Variants in TTC28 observed in about 807,000 individuals in gnomAD.
The protein encoded by TTC28 is tetratricopeptide repeat protein 28.
Under a neutral mutation model 198.0 loss-of-function variants are expected in TTC28, and 61 were observed. The ratio of observed to expected loss-of-function variants is 0.31; its 90% CI spans 0.25 to 0.38. The LOEUF (loss-of-function observed/expected upper bound fraction) is 0.38, where lower values mean the gene tolerates loss of function less well. Among genes scored for constraint, TTC28 ranks in the 10% least tolerant of loss-of-function variants. The pLI is 1.00. For synonymous variants in TTC28, 1,171 were observed against 1,297.8 expected (o/e 0.90, Z 2.10); for missense variants, 2,678 against 3,164.0 (o/e 0.85, Z 3.69).
chr22:28,571,004 T>G (rs2050050754), intron 2 of TTC28, among the ~76,000 whole-genome samples: 1 of 152,188 alleles, frequency 6.6e-6, no homozygotes, highest in Non-Finnish European at 1.5e-5. Context: ...TTTTTTTTCC[T>G]GACTGTAAGA....
chr22:28,432,061 G>A lies in TTC28; in HGVS notation c.382-125418C>T, dbSNP rs191741244. Among the ~76,000 whole-genome samples the A allele has an allele frequency of 3.1e-3, 471 of 151,796 alleles. 4 individuals carry two copies. The highest frequency in any genetic ancestry group is 0.011 in the African/African-American group (444 of 41,388). ...AGCACTTTGGGAGGCCGAGGTGGGC[G>A]GATCACGAAGTCAGGAGATCGAGAC... On this transcript the variant is annotated intron_variant, in intron 2 of 22. Transcript: ENST00000397906.
In TTC28 at chr22:28,120,885, T is replaced by C. The variant is rs187684800; in HGVS notation, c.1442-12482A>G. On this transcript the variant is annotated intron_variant, in intron 6 of 22. Transcript: ENST00000397906. Reference sequence around the variant, plus strand: ...ACACTGGATGGAAATTCAAACTCTATGATTGTGTGAAGTGTTCTAGCTAGA... The same window carrying C: ...ACACTGGATGGAAATTCAAACTCTACGATTGTGTGAAGTGTTCTAGCTAGA... Among the ~76,000 whole-genome samples, 12 of 152,300 alleles carry C rather than the reference T, an allele frequency of 7.9e-5. No homozygotes were observed. The East Asian group carries it at 2.1e-3, about 27-fold the overall frequency.
chr22:28,075,778 A>C (rs991216914), intron 12 of TTC28, among the ~76,000 whole-genome samples: 1 of 152,006 alleles, frequency 6.6e-6, no homozygotes, highest in Non-Finnish European at 1.5e-5. Context: ...CTAAAATGTC[A>C]CCTCTTTGGA....
rs564459883 is a variant in TTC28, at chr22:28,098,961, C to T, written c.3501G>A (p.Leu1167=). The T allele has an allele frequency of 8.4e-6, 13 of 1,551,824 alleles. No individual in the cohort carries two copies. The Admixed American group carries it at 2.0e-4, about 23-fold the overall frequency. Residue 1167 remains leucine (L), a synonymous_variant, in exon 10 of 23, where the codon CTG becomes CTA. Coordinates refer to ENST00000397906, the MANE Select transcript of TTC28 (RefSeq NM_001145418.2). ...STDYKLSLFD[L]QTSSYQALQR... ...GCAAGGCCTGGTAGGATGATGTCTG[C>T]AGGTCAAAGAGGGAGAGTTTGTAGT...
At chr22:28,620,767 T>G (rs1290003299) in intron 2 of TTC28, among the ~76,000 whole-genome samples, 1 of 152,198 alleles carries the variant, frequency 6.6e-6, no homozygotes, top group Non-Finnish European at 1.5e-5. Context: ...CAATAACATC[T>G]GCTTATCATG....
rs189922809 is a variant in TTC28, at chr22:28,480,295, T to C, written c.381+149257A>G. Among the ~76,000 whole-genome samples the C allele has an allele frequency of 3.3e-5, 5 of 152,300 alleles. No homozygotes were observed. In the East Asian group the frequency reaches 9.7e-4, roughly 29 times the overall value. On this transcript the variant is annotated intron_variant, in intron 2 of 22. Transcript: ENST00000397906. ...TTCAGACACTTGTTTCTCATGTAACTAAGCTATACATAGATCCTAAGGTTC... is the reference window on the plus strand; with the variant it reads ...TTCAGACACTTGTTTCTCATGTAACCAAGCTATACATAGATCCTAAGGTTC...
intron 5 of TTC28, among the ~76,000 whole-genome samples, chr22:28,170,489 C>CAA (rs71791002): frequency 8.7e-4 from 87 of 100,090 alleles, no homozygotes; most frequent in South Asian, 7.7e-3. Flanking sequence ...ACTCCGTCTC[C>CAA]AAAAAAAAAA....
At chr22:28,455,963 G>A (rs2047852931) in intron 2 of TTC28, among the ~76,000 whole-genome samples, 1 of 151,938 alleles carries the variant, frequency 6.6e-6, no homozygotes, top group Non-Finnish European at 1.5e-5. Context: ...TTGGAGACCA[G>A]CATGGCCAAC....
chr22:28,430,198 T>C (rs938389814), intron 2 of TTC28, among the ~76,000 whole-genome samples: 4 of 152,156 alleles, frequency 2.6e-5, no homozygotes, highest in African/African-American at 9.7e-5. Flanking sequence ...TCACACGCTA[T>C]GAGTAGAGCA....
intron 2 of TTC28, among the ~76,000 whole-genome samples, chr22:28,395,632 A>C (rs1454643764): frequency 6.5e-4 from 7 of 10,762 alleles, no homozygotes; most frequent in Non-Finnish European, 1.2e-3. Flanking sequence ...AAAACCAAAC[A>C]AACAAAAAAA....
intron 2 of TTC28, among the ~76,000 whole-genome samples, chr22:28,312,127 C>T (rs964491426): frequency 6.6e-6 from 1 of 151,520 alleles, no homozygotes; most frequent in African/African-American, 2.4e-5. Context: ...AAGGCCATTA[C>T]ATAATGGTAA....
At chr22:28,208,982 C>A (rs1157699979) in intron 5 of TTC28, among the ~76,000 whole-genome samples, 1 of 152,224 alleles carries the variant, frequency 6.6e-6, no homozygotes, top group Admixed American at 6.5e-5. Flanking sequence ...TTGAAAACCA[C>A]TGACTAAAAA....
At chr22:28,561,201 G>A (rs1408999771) in intron 2 of TTC28, among the ~76,000 whole-genome samples, 1 of 151,114 alleles carries the variant, frequency 6.6e-6, no homozygotes, top group African/African-American at 2.4e-5. Flanking sequence ...AGCCTCCAGA[G>A]TAGCTGGGAC....
At chr22:28,016,109 GC>G (rs953064871) in intron 13 of TTC28, among the ~76,000 whole-genome samples, 4 of 152,094 alleles carry the variant, frequency 2.6e-5, no homozygotes, top group African/African-American at 7.2e-5. Flanking sequence ...CCAGCCTGGT[GC>G]CTGTGAGAGA....
intron 5 of TTC28, among the ~76,000 whole-genome samples, chr22:28,190,985 C>G (rs1282791900): frequency 6.6e-6 from 1 of 152,178 alleles, no homozygotes; most frequent in Non-Finnish European, 1.5e-5. Context: ...CCTTTGATGA[C>G]TTCCCAGTGC....
At chr22:28,649,307 C>G (rs192884737) in intron 1 of TTC28, among the ~76,000 whole-genome samples, 1 of 152,294 alleles carries the variant, frequency 6.6e-6, no homozygotes, top group Admixed American at 6.5e-5. Flanking sequence ...AAATCTCAGA[C>G]TTCACCCACT....
intron 2 of TTC28, among the ~76,000 whole-genome samples, chr22:28,510,983 A>AT (rs1201050281): frequency 2.0e-5 from 3 of 152,144 alleles, no homozygotes; most frequent in African/African-American, 7.2e-5. Flanking sequence ...AGAACTACAA[A>AT]TCACTGCTCA....
chr22:28,053,758 T>C (rs1940173361), intron 12 of TTC28, among the ~76,000 whole-genome samples: 1 of 152,132 alleles, frequency 6.6e-6, no homozygotes, highest in African/African-American at 2.4e-5. Context: ...CTCTTTTCTT[T>C]TTTTTAATAA....
intron 2 of TTC28, among the ~76,000 whole-genome samples, chr22:28,376,123 C>T (rs1452043823): frequency 6.6e-6 from 1 of 152,182 alleles, no homozygotes; most frequent in East Asian, 1.9e-4. Flanking sequence ...AATCCCTTCT[C>T]ATCTATCTTC....
Sources: gnomAD v4.1 joint callset for allele counts (sites outside exome capture counted in the v4.1 genomes callset) on GRCh38, gnomAD v4.1.1 for gene constraint, MANE v1.5 for transcripts, NCBI Gene and HGNC (gene_info 2026-07-23, HGNC 2026-07-21) for gene names.